Variants in UBE2W observed in about 807,000 individuals in gnomAD.
The protein encoded by UBE2W is ubiquitin conjugating enzyme E2 W.
In UBE2W, 18 loss-of-function variants were observed where a neutral mutation model predicts 27.2. The observed-to-expected ratio is 0.66, with a 90% CI of 0.46 to 0.98. The LOEUF (loss-of-function observed/expected upper bound fraction) is 0.98, where lower values mean the gene tolerates loss of function less well. Among genes scored for constraint, UBE2W ranks in the 50% least tolerant of loss-of-function variants. The pLI is 0.00. For missense variants in UBE2W, 90 were observed against 180.2 expected, an observed-to-expected ratio of 0.50 and a Z score of 2.87; for synonymous variants, 53 against 57.2, an observed-to-expected ratio of 0.93 and a Z score of 0.33.
At chr8:73,855,568 A>AT (rs917287927) in intron 1 of UBE2W, among the ~76,000 whole-genome samples, 4 of 151,066 alleles carry the variant, frequency 2.6e-5, no homozygotes, top group Admixed American at 6.6e-5. Flanking sequence ...CACCCAGCTA[A>AT]TTTTTTTTGT....
intron 1 of UBE2W, among the ~76,000 whole-genome samples, chr8:73,873,413 C>A (rs1812087622): frequency 6.6e-6 from 1 of 152,094 alleles, no homozygotes; most frequent in African/African-American, 2.4e-5. Context: ...AATCCCAGCA[C>A]TTTAGGAGGC....
Position 73,788,575 on chromosome 8 carries a change from T to TA in UBE2W, c.*5526dup. On this transcript the variant is annotated 3_prime_UTR_variant, in exon 6 of 6. Transcript: ENST00000602593. ...CATTTTCATGGTATCTGACACAATTTACCAAGTTCCTTATGGTAGATTTCA... is the reference window on the plus strand; with the variant it reads ...CATTTTCATGGTATCTGACACAATTTAACCAAGTTCCTTATGGTAGATTTCA... 1.0e-6 allele frequency: 1 copy of TA among 985,464 alleles called. No individual in the cohort carries two copies. Among genetic ancestry groups the TA allele is most frequent in the Non-Finnish European group, 1.2e-6 (1 of 829,932 alleles). 61.0% of individuals were successfully genotyped at this position (985,464 alleles called of 1,614,324 possible).
chr8:73,807,836 T>A (rs141207354), intron 4 of UBE2W, among the ~76,000 whole-genome samples: 1 of 152,334 alleles, frequency 6.6e-6, no homozygotes, highest in East Asian at 1.9e-4. Flanking sequence ...ATCAGGGAGA[T>A]ACAGTTCTTG....
chr8:73,786,103 C>T (rs1807945783), downstream of UBE2W: 1 of 634,734 alleles, frequency 1.6e-6, no homozygotes, highest in Non-Finnish European at 2.0e-6. Context: ...GTCAGGTTTA[C>T]CTTTATGATT....
At chr8:73,873,954 G>A in intron 1 of UBE2W, among the ~76,000 whole-genome samples, 1 of 152,124 alleles carries the variant, frequency 6.6e-6, no homozygotes, top group East Asian at 1.9e-4. Context: ...CGTAACAGGA[G>A]GTTTTATCTA....
chr8:73,822,614 A>T (rs1049286015), intron 3 of UBE2W, among the ~76,000 whole-genome samples: 1 of 140,716 alleles, frequency 7.1e-6, no homozygotes, highest in African/African-American at 2.8e-5. Context: ...AAAAAAAAAA[A>T]AAAAAAAAAA....
At chr8:73,859,809 G>A (rs188986429) in intron 1 of UBE2W, among the ~76,000 whole-genome samples, 163 of 152,202 alleles carry the variant, frequency 1.1e-3, no homozygotes, top group African/African-American at 3.5e-3. Flanking sequence ...TTTCAGAAAC[G>A]CAATCTGTAT....
intron 1 of UBE2W, among the ~76,000 whole-genome samples, chr8:73,863,377 A>G (rs1372562862): frequency 7.9e-4 from 115 of 145,200 alleles, no homozygotes; most frequent in African/African-American, 2.8e-3. Context: ...GAATTGAACA[A>G]TGAGATCACA....
intron 1 of UBE2W, among the ~76,000 whole-genome samples, chr8:73,862,514 T>C (rs1201258629): frequency 6.6e-6 from 1 of 151,530 alleles, no homozygotes; most frequent in Non-Finnish European, 1.5e-5. Context: ...GACATAGGCA[T>C]GGGCAAGGAC....
chr8:73,863,149 T>C (rs1160747860), intron 1 of UBE2W, among the ~76,000 whole-genome samples: 3 of 143,262 alleles, frequency 2.1e-5, no homozygotes, highest in African/African-American at 6.0e-5. Context: ...TGCGGCATTA[T>C]TCACAATAGC....
chr8:73,878,318 C>T (rs1004848258), intron 1 of UBE2W, among the ~76,000 whole-genome samples: 1 of 152,216 alleles, frequency 6.6e-6, no homozygotes, highest in African/African-American at 2.4e-5. Context: ...GAGCAGAGGC[C>T]GCTAAGCGCC....
chr8:73,865,735 C>T (rs1381511152), intron 1 of UBE2W, among the ~76,000 whole-genome samples: 1 of 152,148 alleles, frequency 6.6e-6, no homozygotes, highest in Non-Finnish European at 1.5e-5. Context: ...AAACCTATTA[C>T]TCGATTTCCT....
At chr8:73,854,879 ATT>A (rs1456082575) in intron 1 of UBE2W, among the ~76,000 whole-genome samples, 1 of 152,250 alleles carries the variant, frequency 6.6e-6, no homozygotes, top group Admixed American at 6.5e-5. Flanking sequence ...TATATACTGC[ATT>A]CTTACAATAA....
intron 1 of UBE2W, among the ~76,000 whole-genome samples, chr8:73,871,297 T>C (rs1235929273): frequency 2.0e-5 from 3 of 152,204 alleles, no homozygotes; most frequent in Non-Finnish European, 4.4e-5. Flanking sequence ...GCTGAGCAAA[T>C]GGAATGAAGT....
intron 2 of UBE2W, 73 bp from the exon 3 acceptor site, chr8:73,825,322 A>C (rs929016612): frequency 1.9e-6 from 2 of 1,052,916 alleles, no homozygotes; most frequent in Non-Finnish European, 2.8e-6. Context: ...GAGGACACCA[A>C]GTACTTCCTA....
rs746820306 is a variant in UBE2W at position 73,793,740 on chromosome 8, G to A, written c.*362C>T. 3.2e-5 allele frequency: 33 copies of A among 1,016,748 alleles called. No homozygotes were observed. Among genetic ancestry groups the A allele is most frequent in the East Asian group, 9.0e-5 (1 of 11,104 alleles). The allele number at this position is 1,016,748 out of a possible 1,614,324, so 63.0% of individuals were successfully genotyped here. A position where few individuals can be genotyped will look rare whatever the true frequency, so the allele number is the denominator to read the frequency against. On this transcript the variant is annotated 3_prime_UTR_variant, in exon 6 of 6. Coordinates refer to ENST00000602593, the MANE Select transcript of UBE2W (RefSeq NM_018299.6). ...TAATGAAAACTTTTCCTGTTACAAC[G>A]CCCATTGCCGGCAATGAACGTACCA... is the stretch of plus-strand genomic sequence containing the variant.
At chr8:73,814,887 A>C (rs1438387444) in intron 3 of UBE2W, among the ~76,000 whole-genome samples, 2 of 152,218 alleles carry the variant, frequency 1.3e-5, no homozygotes, top group Admixed American at 6.5e-5. Context: ...ATTCAAAAGC[A>C]AGTGAGAGCT....
intron 3 of UBE2W, among the ~76,000 whole-genome samples, chr8:73,824,913 T>C (rs1444574912): frequency 6.6e-6 from 1 of 152,244 alleles, no homozygotes; most frequent in Non-Finnish European, 1.5e-5. Context: ...TTCCCTTTTC[T>C]GTTAGCATTT....
intron 1 of UBE2W, among the ~76,000 whole-genome samples, chr8:73,838,178 C>G (rs867464287): frequency 6.6e-6 from 1 of 152,154 alleles, no homozygotes; most frequent in Admixed American, 6.6e-5. Flanking sequence ...AGAACTGGCT[C>G]GGCTTTTCAG....
Sources: allele counts gnomAD v4.1 joint callset (sites outside exome capture counted in the v4.1 genomes callset), GRCh38; gene constraint gnomAD v4.1.1; transcripts MANE v1.5; gene names NCBI Gene and HGNC (gene_info 2026-07-23, HGNC 2026-07-21).